WDR4: variants seen among roughly 807,000 people sequenced by gnomAD.
The protein encoded by WDR4 is WDR4 tRNA N7-guanosine methyltransferase non-catalytic subunit.
In WDR4, 47 loss-of-function variants were observed where a neutral mutation model predicts 48.6. The observed-to-expected ratio is 0.97, with a 90% CI of 0.77 to 1.23. The LOEUF is 1.23. Ranked by LOEUF, WDR4 falls within the 50% of genes most tolerant of loss-of-function variation. The pLI is 0.00. For synonymous variants in WDR4, 268 were observed against 230.0 expected (o/e 1.17, Z -1.49); for missense variants, 606 against 551.6 (o/e 1.10, Z -0.99).
chr21:42,867,729 C>A (rs1601159338), intron 3 of WDR4, among the ~76,000 whole-genome samples: 1 of 148,578 alleles, frequency 6.7e-6, no homozygotes. Context: ...TGGACTTGTG[C>A]TTTTTTTTTT....
chr21:42,848,633 G>A (rs1286727095), downstream of WDR4, among the ~76,000 whole-genome samples: 3 of 81,758 alleles, frequency 3.7e-5, no homozygotes, highest in African/African-American at 1.7e-4. Flanking sequence ...ATCACACCGC[G>A]CACCTCACAC....
intron 3 of WDR4, among the ~76,000 whole-genome samples, chr21:42,863,945 A>T (rs2058183397): frequency 1.2e-5 from 1 of 85,818 alleles, no homozygotes; most frequent in Admixed American, 8.6e-5. Flanking sequence ...GTCTCTACTA[A>T]AAATACAAAA....
rs2058421597 is a variant in WDR4, at chr21:42,873,587, A to G, written c.260T>C (p.Leu87Pro). The G allele has an allele frequency of 6.2e-7, 1 of 1,614,234 alleles. No homozygotes were observed. ...ACATTGCCATGGTTTTGTACGGAAA[A>G]GAATCAGACGCTTACTGTCATCGGT... ...ALTDDSKRLI[L>P]FRTKPWQCLS... The change falls in exon 3 of 11, where the codon CTT becomes CCT. Residue 87 changes from leucine (L) to proline (P), a missense_variant. Physicochemically the swap from Leu to Pro is moderately conservative, Grantham distance 98. Transcript: ENST00000398208.
At chr21:42,852,655 C>T (rs2057864419) in intron 9 of WDR4, among the ~76,000 whole-genome samples, 1 of 152,242 alleles carries the variant, frequency 6.6e-6, no homozygotes, top group Non-Finnish European at 1.5e-5. Context: ...GTGGCTCATA[C>T]CTGTAATCCC....
At chr21:42,848,479 CCTCA>C (rs571435765), downstream of WDR4, among the ~76,000 whole-genome samples, 1,733 of 54,998 alleles carry the variant, frequency 0.032, 41 homozygotes, top group African/African-American at 0.053. Flanking sequence ...GCGGCGCACA[CCTCA>C]CTCACACAGC....
intron 1 of WDR4, among the ~76,000 whole-genome samples, chr21:42,878,811 C>G (rs1314994588): frequency 1.3e-5 from 2 of 152,356 alleles, no homozygotes; most frequent in South Asian, 2.1e-4. Context: ...GAGGTGCGCA[C>G]TGCGAGCTCC....
intron 2 of WDR4, among the ~76,000 whole-genome samples, chr21:42,875,638 T>C (rs1298077027): frequency 6.6e-6 from 1 of 151,912 alleles, no homozygotes; most frequent in Admixed American, 6.6e-5. Context: ...ACCCAGGAGG[T>C]CGAGGCTGCA....
chr21:42,881,430 CTT>C (rs2146128372), upstream of WDR4, among the ~76,000 whole-genome samples: 1 of 152,298 alleles, frequency 6.6e-6, no homozygotes, highest in African/African-American at 2.4e-5. Context: ...TAACCACACT[CTT>C]TTCTATAAGT....
upstream of WDR4, among the ~76,000 whole-genome samples, chr21:42,883,361 C>A (rs1424528566): frequency 2.6e-5 from 3 of 114,708 alleles, no homozygotes; most frequent in Non-Finnish European, 3.6e-5. Flanking sequence ...TAAGCATTGT[C>A]TTATGGTCCT....
Position 42,879,529 on chromosome 21 carries a change from CAGCCCAG to C in WDR4, c.-41_-35del, listed in dbSNP as rs1279994233. 6.2e-7 allele frequency: 1 copy of C among 1,610,304 alleles called. No homozygotes were observed. Among genetic ancestry groups the C allele is most frequent in the East Asian group, 2.2e-5 (1 of 44,824 alleles). On this transcript the variant is annotated 5_prime_UTR_variant, in exon 1 of 11. Coordinates refer to ENST00000398208, the MANE Select transcript of WDR4 (RefSeq NM_018669.6). ...CCGCCTCACCGCCATACACATGTGC[CAGCCCAG>C]AGCCTCTTCCTGTCCGCACCGGTCG...
chr21:42,866,023 C>A (rs956802084), intron 3 of WDR4, among the ~76,000 whole-genome samples: 21 of 152,288 alleles, frequency 1.4e-4, no homozygotes, highest in African/African-American at 4.3e-4. Context: ...CTGGGCAGAG[C>A]GAATCAGATG....
the WDR4 span, among the ~76,000 whole-genome samples, chr21:42,888,547 G>A: frequency 6.6e-6 from 1 of 151,920 alleles, no homozygotes; most frequent in East Asian, 1.9e-4. Flanking sequence ...GTGACAGAGT[G>A]AGACCCTGTC....
downstream of WDR4, among the ~76,000 whole-genome samples, chr21:42,845,488 C>T (rs766831445): frequency 2.6e-5 from 4 of 152,170 alleles, no homozygotes; most frequent in Non-Finnish European, 4.4e-5. Flanking sequence ...TGGCTGAGTG[C>T]CCTCGTGAGC....
At chr21:42,851,231 C>T (rs1164898619) in intron 10 of WDR4, among the ~76,000 whole-genome samples, 2 of 152,218 alleles carry the variant, frequency 1.3e-5, no homozygotes, top group African/African-American at 4.8e-5. Context: ...AGCACTGCCG[C>T]CTGCAGTCCC....
downstream of WDR4, among the ~76,000 whole-genome samples, chr21:42,848,440 G>GGCGCGCACCTCACACA (rs1569308313): frequency 9.3e-6 from 1 of 108,008 alleles, no homozygotes; most frequent in African/African-American, 4.0e-5. Flanking sequence ...ACAATCACGC[G>GGCGCGCACCTCACACA]GCGCGCACCT....
chr21:42,867,978 A>G (rs1247301955), intron 3 of WDR4, among the ~76,000 whole-genome samples: 1 of 152,150 alleles, frequency 6.6e-6, no homozygotes, highest in African/African-American at 2.4e-5. Flanking sequence ...ACAACCAAGG[A>G]TGAAGAGGCC....
intron 2 of WDR4, 95 bp downstream of exon 2, chr21:42,876,607 A>G (rs2058497562): frequency 8.3e-7 from 1 of 1,206,588 alleles, no homozygotes; most frequent in Non-Finnish European, 1.2e-6. Context: ...AGAAGCTAAG[A>G]ATTCAGCAAG....
chr21:42,882,162 T>C (rs1037391850), upstream of WDR4, among the ~76,000 whole-genome samples: 1 of 151,674 alleles, frequency 6.6e-6, no homozygotes, highest in African/African-American at 2.4e-5. Flanking sequence ...CCCAAAGTGT[T>C]GGGATTACAG....
chr21:42,878,373 A>G (rs1200644125), intron 1 of WDR4, among the ~76,000 whole-genome samples: 2 of 152,206 alleles, frequency 1.3e-5, no homozygotes, highest in Non-Finnish European at 2.9e-5. Context: ...ATTTCCTCAA[A>G]ATGCAAAGAC....
Sources: allele counts gnomAD v4.1 joint callset (sites outside exome capture counted in the v4.1 genomes callset), GRCh38; gene constraint gnomAD v4.1.1; transcripts MANE v1.5; gene names NCBI Gene and HGNC (gene_info 2026-07-23, HGNC 2026-07-21).